The following SRGAP3 variants were observed in gnomAD, a reference collection of about 807,000 sequenced individuals.
SRGAP3 encodes SLIT-ROBO Rho GTPase activating protein 3.
SRGAP3 carries 39 observed loss-of-function variants against 121.1 expected under a neutral mutation model. The observed-to-expected ratio is 0.32, with a 90% confidence interval of 0.25 to 0.42. The LOEUF is 0.42. Ranked by LOEUF, SRGAP3 falls within the 10% of genes least tolerant of loss-of-function variation. The pLI is 1.00. For synonymous variants in SRGAP3, 601 were observed against 570.0 expected (o/e 1.05, Z -0.77); for missense variants, 1,213 against 1,470.6 (o/e 0.82, Z 2.86).
Position 9,027,014 on chromosome 3 carries a change from G to T in SRGAP3, c.1540-19C>A, listed in dbSNP as rs373381348. The T allele has an allele frequency of 2.5e-6, 4 of 1,613,860 alleles. No homozygotes were observed. Among genetic ancestry groups the T allele is most frequent in the Admixed American group, 1.7e-5 (1 of 60,014 alleles). ...CTGAATCCTTGAGAAAAGAAAAATT[G>T]TGAGTTTTATGGGGCTTGACAACCA... is the stretch of plus-strand genomic sequence containing the variant. On this transcript the variant is annotated intron_variant, in intron 12 of 21. Transcript: ENST00000383836.
In SRGAP3 at chr3:8,982,602, G is replaced by A. The variant is rs1007407656; in HGVS notation, c.*2917C>T. ...AGCAATATATAGTGGACTAAAACAG[G>A]CAGGAGTCAGAAAGAGAAAGCCAAT... is the stretch of plus-strand genomic sequence containing the variant. On this transcript the variant is annotated 3_prime_UTR_variant, in exon 22 of 22. Transcript: ENST00000383836. 9.0e-6 allele frequency: 2 copies of A among 222,840 alleles called. No homozygotes were observed. The highest frequency in any genetic ancestry group is 1.8e-5 in the Non-Finnish European group (2 of 111,594). 13.8% of individuals were successfully genotyped at this position (222,840 alleles called of 1,614,324 possible).
Position 9,058,269 on chromosome 3 carries a change from C to T in SRGAP3, c.1005G>A (p.Gln335=). ...VFCPPLKFEF[Q]PHMGDEVCQV... ...AGCCTACCTCATCCCCCATGTGGGGCTGGAACTCGAACTTGAGTGGAGGGC... is the reference window on the plus strand; with the variant it reads ...AGCCTACCTCATCCCCCATGTGGGGTTGGAACTCGAACTTGAGTGGAGGGC... Residue 335 remains glutamine (Q), a synonymous_variant, in exon 7 of 22, where the codon CAG becomes CAA. Transcript: ENST00000383836. 1 of 1,614,210 alleles carries T rather than the reference C, an allele frequency of 6.2e-7. No homozygotes were observed. Among genetic ancestry groups the T allele is most frequent in the Non-Finnish European group, 8.5e-7 (1 of 1,180,032 alleles).
chr3:9,097,069 C>T lies in SRGAP3; in HGVS notation c.423+7611G>A, dbSNP rs555498756. On this transcript the variant is annotated intron_variant, in intron 3 of 21. Coordinates refer to ENST00000383836, the MANE Select transcript of SRGAP3 (RefSeq NM_014850.4). ...ACAGTGGTACAATCTTGGCGCACTGCAGCCCCAAAATCCCAGGCTTAAGCA... is the reference window on the plus strand; with the variant it reads ...ACAGTGGTACAATCTTGGCGCACTGTAGCCCCAAAATCCCAGGCTTAAGCA... Among the ~76,000 whole-genome samples the T allele has an allele frequency of 1.1e-4, 16 of 149,402 alleles. No individual in the cohort carries two copies. In the South Asian group the frequency reaches 3.4e-3, roughly 32 times the overall value.
chr3:9,267,578 G>C (rs1038421839), intron 3 of SRGAP3, among the ~76,000 whole-genome samples: 1 of 152,188 alleles, frequency 6.6e-6, no homozygotes, highest in Non-Finnish European at 1.5e-5. Context: ...GGCCTACTCT[G>C]AGAAGCTGAG....
At chr3:9,124,964 G>A (rs1407339842) in intron 1 of SRGAP3, 47 bp from the exon 2 acceptor site, 1 of 1,609,516 alleles carries the variant, frequency 6.2e-7, no homozygotes, top group Non-Finnish European at 8.5e-7. Flanking sequence ...GTGGGGACGG[G>A]GGCACTGGGG....
intron 1 of SRGAP3, among the ~76,000 whole-genome samples, chr3:9,222,530 G>C (rs904716105): frequency 6.6e-6 from 1 of 152,168 alleles, no homozygotes; most frequent in Non-Finnish European, 1.5e-5. Context: ...TAAAGCAAGG[G>C]AACATGTTAG....
chr3:9,266,336 T>C (rs915781796), intron 3 of SRGAP3, among the ~76,000 whole-genome samples: 1 of 151,988 alleles, frequency 6.6e-6, no homozygotes, highest in Non-Finnish European at 1.5e-5. Context: ...CAAACCTGCA[T>C]GTTCTGCACA....
At chr3:9,190,681 G>A (rs1318310355) in intron 1 of SRGAP3, among the ~76,000 whole-genome samples, 1 of 152,112 alleles carries the variant, frequency 6.6e-6, no homozygotes, top group Non-Finnish European at 1.5e-5. Context: ...CAGCTATCTG[G>A]GGCCTGAATT....
At chr3:9,267,930 A>G (rs1954397790) in intron 3 of SRGAP3, among the ~76,000 whole-genome samples, 1 of 138,730 alleles carries the variant, frequency 7.2e-6, no homozygotes, top group Non-Finnish European at 1.6e-5. Context: ...AGCTACAGCT[A>G]TTGCTGTTTT....
At chr3:9,005,762 G>GT (rs372273851) in intron 18 of SRGAP3, among the ~76,000 whole-genome samples, 1 of 152,172 alleles carries the variant, frequency 6.6e-6, no homozygotes, top group African/African-American at 2.4e-5. Flanking sequence ...TGGGAGAAAT[G>GT]TGGGGGGTAG....
intron 17 of SRGAP3, among the ~76,000 whole-genome samples, chr3:9,013,043 T>C (rs1574906445): frequency 6.6e-6 from 1 of 152,150 alleles, no homozygotes; most frequent in Non-Finnish European, 1.5e-5. Context: ...CCTGAAGATA[T>C]ATCCCCAGAC....
intron 2 of SRGAP3, among the ~76,000 whole-genome samples, chr3:9,114,949 A>G (rs145236243): frequency 4.1e-4 from 62 of 152,370 alleles, no homozygotes; most frequent in African/African-American, 1.4e-3. Flanking sequence ...TGGTCTGTGA[A>G]GAAGGGGCTG....
At chr3:9,352,162 TG>T (rs1266593608) in intron 1 of SRGAP3, among the ~76,000 whole-genome samples, 1 of 152,136 alleles carries the variant, frequency 6.6e-6, no homozygotes, top group Non-Finnish European at 1.5e-5. Flanking sequence ...CTTTCCACCC[TG>T]CTTAGAGCCC....
intron 21 of SRGAP3, among the ~76,000 whole-genome samples, chr3:8,987,003 C>T (rs1486729140): frequency 6.6e-6 from 1 of 152,236 alleles, no homozygotes; most frequent in Non-Finnish European, 1.5e-5. Context: ...TGGGACAGGC[C>T]ACAGGGCCCC....
intron 1 of SRGAP3, among the ~76,000 whole-genome samples, chr3:9,132,196 G>A (rs1031368705): frequency 6.6e-6 from 1 of 152,188 alleles, no homozygotes; most frequent in South Asian, 2.1e-4. Flanking sequence ...CAGTTTCTCC[G>A]ATTATTAACA....
intron 1 of SRGAP3, among the ~76,000 whole-genome samples, chr3:9,240,899 G>A (rs537667225): frequency 3.9e-5 from 6 of 152,258 alleles, no homozygotes; most frequent in South Asian, 2.1e-4. Context: ...CTGACACACC[G>A]CGGTGGCATC....
At chr3:9,170,497 G>A (rs1178185027) in intron 1 of SRGAP3, among the ~76,000 whole-genome samples, 3 of 152,102 alleles carry the variant, frequency 2.0e-5, no homozygotes, top group South Asian at 2.1e-4. Flanking sequence ...GAAGAGAGGC[G>A]ACCTGAGCAG....
At chr3:9,327,150 T>C (rs1955533881) in intron 2 of SRGAP3, among the ~76,000 whole-genome samples, 1 of 151,926 alleles carries the variant, frequency 6.6e-6, no homozygotes, top group Non-Finnish European at 1.5e-5. Context: ...TCAGTTTTAA[T>C]CAGTTTTACC....
chr3:9,265,707 A>G (rs1954347328), intron 3 of SRGAP3, among the ~76,000 whole-genome samples: 1 of 152,214 alleles, frequency 6.6e-6, no homozygotes, highest in Non-Finnish European at 1.5e-5. Context: ...GGGATCATTA[A>G]AAAGTCAGGA....
Sources: allele counts gnomAD v4.1 joint callset (sites outside exome capture counted in the v4.1 genomes callset), GRCh38; gene constraint gnomAD v4.1.1; transcripts MANE v1.5; gene names NCBI Gene and HGNC (gene_info 2026-07-23, HGNC 2026-07-21).